FAF1: variants seen among roughly 807,000 people sequenced by gnomAD.
FAF1 encodes Fas associated factor 1.
FAF1 carries 25 observed loss-of-function variants against 92.5 expected under a neutral mutation model. That is an observed-to-expected ratio of 0.27 (90% CI 0.20 to 0.38). The LOEUF is 0.38. Among genes scored for constraint, FAF1 ranks in the 10% least tolerant of loss-of-function variants. FAF1 has a pLI of 1.00. For missense variants in FAF1, 636 were observed against 793.3 expected, an observed-to-expected ratio of 0.80 and a Z score of 2.38; for synonymous variants, 234 against 273.2, an observed-to-expected ratio of 0.86 and a Z score of 1.42.
chr1:50,589,472 A>C (rs757265893), intron 9 of FAF1, among the ~76,000 whole-genome samples: 1 of 152,204 alleles, frequency 6.6e-6, no homozygotes, highest in Non-Finnish European at 1.5e-5. Flanking sequence ...CCAGGCCAGA[A>C]CAACTACAGC....
At chr1:50,926,064 C>G (rs561324468) in intron 1 of FAF1, among the ~76,000 whole-genome samples, 8 of 152,044 alleles carry the variant, frequency 5.3e-5, no homozygotes, top group African/African-American at 1.9e-4. Flanking sequence ...AAAAGTAAAA[C>G]AAGTTAGCCA....
In FAF1 at chr1:50,448,928, G is replaced by A. The variant is rs1646260286; in HGVS notation, c.1870-7405C>T. Among the ~76,000 whole-genome samples the A allele has an allele frequency of 2.1e-5, 3 of 145,146 alleles. 1 individual carries two copies. In the Admixed American group the frequency reaches 2.1e-4, roughly 10 times the overall value. ...TAGGTTTTGATGTAACATGATACGA[G>A]GGTCACAGCTTTTTTTTTTTTTTTT... On this transcript the variant is annotated intron_variant, in intron 18 of 18. Transcript: ENST00000396153.
intron 1 of FAF1, among the ~76,000 whole-genome samples, chr1:50,948,276 T>C (rs561161972): frequency 6.6e-6 from 1 of 152,332 alleles, no homozygotes; most frequent in Admixed American, 6.5e-5. Context: ...CTTGTGTTGC[T>C]ATAAAAAAAA....
intron 1 of FAF1, among the ~76,000 whole-genome samples, chr1:50,868,705 T>A (rs970440093): frequency 6.6e-6 from 1 of 152,208 alleles, no homozygotes; most frequent in Non-Finnish European, 1.5e-5. Flanking sequence ...CCTAAACACA[T>A]GCAGTTTTCC....
At chr1:50,923,966 T>C (rs1273879562) in intron 1 of FAF1, among the ~76,000 whole-genome samples, 3 of 152,194 alleles carry the variant, frequency 2.0e-5, no homozygotes, top group Non-Finnish European at 4.4e-5. Context: ...GCTAGCATCA[T>C]ACTGAATGGG....
intron 1 of FAF1, 88 bp downstream of exon 1, chr1:50,959,679 G>T: frequency 8.6e-7 from 1 of 1,168,454 alleles, no homozygotes; most frequent in Non-Finnish European, 1.3e-6. Flanking sequence ...CACCACTGCA[G>T]CGTTCAAACG....
At chr1:50,557,601 AGCAAAC>A (rs1326280741) in intron 13 of FAF1, among the ~76,000 whole-genome samples, 1 of 152,212 alleles carries the variant, frequency 6.6e-6, no homozygotes, top group East Asian at 1.9e-4. Context: ...CAGACTGACA[AGCAAAC>A]ACTGTAAAAT....
chr1:50,448,268 G>GT (rs1017798404), intron 18 of FAF1, among the ~76,000 whole-genome samples: 3 of 152,182 alleles, frequency 2.0e-5, no homozygotes, highest in African/African-American at 7.2e-5. Flanking sequence ...AACTGTTGAA[G>GT]TGTGATCCCA....
chr1:50,498,781 C>T (rs1021609699), intron 15 of FAF1, among the ~76,000 whole-genome samples: 4 of 149,984 alleles, frequency 2.7e-5, no homozygotes, highest in African/African-American at 9.9e-5. Context: ...ACTCGGGAGG[C>T]GGAGGTTGCA....
At chr1:50,567,664 T>A (rs1360498574) in intron 12 of FAF1, among the ~76,000 whole-genome samples, 1 of 152,122 alleles carries the variant, frequency 6.6e-6, no homozygotes, top group African/African-American at 2.4e-5. Context: ...ACATATTTTT[T>A]ATGGTTTTAA....
At chr1:50,785,502 C>T (rs1230918036) in intron 4 of FAF1, among the ~76,000 whole-genome samples, 1 of 151,596 alleles carries the variant, frequency 6.6e-6, no homozygotes, top group Non-Finnish European at 1.5e-5. Flanking sequence ...AAAAGACATA[C>T]AAATGGCCAA....
At chr1:50,798,611 T>C (rs1055271347) in intron 3 of FAF1, among the ~76,000 whole-genome samples, 2 of 152,214 alleles carry the variant, frequency 1.3e-5, no homozygotes, top group Non-Finnish European at 2.9e-5. Context: ...CATAGTATGC[T>C]GTGTTAGCAA....
At chr1:50,796,955 G>T (rs1218634524) in intron 3 of FAF1, among the ~76,000 whole-genome samples, 1 of 152,046 alleles carries the variant, frequency 6.6e-6, no homozygotes, top group Non-Finnish European at 1.5e-5. Flanking sequence ...CATGGCTGGG[G>T]CGAAACTCCA....
chr1:50,627,731 T>C (rs948882148), intron 8 of FAF1, among the ~76,000 whole-genome samples: 1 of 152,206 alleles, frequency 6.6e-6, no homozygotes, highest in Non-Finnish European at 1.5e-5. Context: ...AAATGTTTTC[T>C]TTCTTAATCT....
chr1:50,907,910 C>A (rs1261641200), intron 1 of FAF1, among the ~76,000 whole-genome samples: 3 of 152,044 alleles, frequency 2.0e-5, no homozygotes, highest in Non-Finnish European at 4.4e-5. Flanking sequence ...TTGCCTTCTG[C>A]TAGCTTTTGA....
chr1:50,710,576 T>C (rs1031899701), intron 6 of FAF1, among the ~76,000 whole-genome samples: 1 of 152,126 alleles, frequency 6.6e-6, no homozygotes, highest in African/African-American at 2.4e-5. Context: ...AATCCTTCAC[T>C]CATAGAACTA....
At chr1:50,542,083 G>C (rs1648784341) in intron 13 of FAF1, among the ~76,000 whole-genome samples, 1 of 152,116 alleles carries the variant, frequency 6.6e-6, no homozygotes, top group Admixed American at 6.6e-5. Context: ...TTTTTTGGAA[G>C]TAGTTGGGAG....
chr1:50,771,681 A>G (rs1370406901), intron 4 of FAF1, among the ~76,000 whole-genome samples: 4 of 152,140 alleles, frequency 2.6e-5, no homozygotes, highest in Non-Finnish European at 5.9e-5. Context: ...TGGGCAGATC[A>G]CCTGAGGTCA....
intron 1 of FAF1, among the ~76,000 whole-genome samples, chr1:50,900,743 A>G (rs1644789765): frequency 1.3e-5 from 2 of 152,202 alleles, no homozygotes; most frequent in South Asian, 4.1e-4. Context: ...ATAAATCGTC[A>G]TTTTTTATAA....
Sources: allele counts gnomAD v4.1 joint callset (sites outside exome capture counted in the v4.1 genomes callset), GRCh38; gene constraint gnomAD v4.1.1; transcripts MANE v1.5; gene names NCBI Gene and HGNC (gene_info 2026-07-23, HGNC 2026-07-21).